FBXW11: variants seen among roughly 807,000 people sequenced by gnomAD.
FBXW11 encodes F-box and WD repeat domain containing 11.
In FBXW11, 19 loss-of-function variants were observed where a neutral mutation model predicts 77.6. That is an observed-to-expected ratio of 0.24 (90% CI 0.17 to 0.36). The LOEUF (loss-of-function observed/expected upper bound fraction) is 0.36, where lower values mean the gene tolerates loss of function less well. Among genes scored for constraint, FBXW11 ranks in the 10% least tolerant of loss-of-function variants. The pLI, the probability that FBXW11 is intolerant of heterozygous loss-of-function variation, is 1.00. For missense variants in FBXW11, 334 were observed against 704.2 expected (o/e 0.47, Z 5.95); for synonymous variants, 235 against 249.4 (o/e 0.94, Z 0.54).
intron 2 of FBXW11, among the ~76,000 whole-genome samples, chr5:171,932,194 T>G (rs1158099445): frequency 1.3e-5 from 2 of 151,492 alleles, no homozygotes; most frequent in Non-Finnish European, 2.9e-5. Context: ...TTCTTCAAAC[T>G]CAACAAGAAA....
intron 3 of FBXW11, among the ~76,000 whole-genome samples, 190 bp from the exon 4 acceptor site, chr5:171,910,987 C>T (rs982724617): frequency 6.6e-5 from 10 of 152,074 alleles, no homozygotes; most frequent in African/African-American, 2.4e-4. Context: ...TCAAATTAGT[C>T]ACTACAGGAA....
intron 1 of FBXW11, chr5:171,997,148 A>C: frequency 9.3e-7 from 1 of 1,076,180 alleles, no homozygotes; most frequent in African/African-American, 1.6e-5. Context: ...GGAATGGTGG[A>C]TCTGAGGCAC....
chr5:171,982,778 C>T (rs763166894), intron 1 of FBXW11, among the ~76,000 whole-genome samples: 4 of 152,124 alleles, frequency 2.6e-5, no homozygotes, highest in Non-Finnish European at 5.9e-5. Context: ...CCTCAGGAAA[C>T]GGAATCTCGG....
chr5:171,946,549 T>C (rs1763019056), intron 2 of FBXW11, among the ~76,000 whole-genome samples: 1 of 152,170 alleles, frequency 6.6e-6, no homozygotes. Flanking sequence ...AGCCAGACAT[T>C]AGCCTTCTGG....
intron 13 of FBXW11, among the ~76,000 whole-genome samples, chr5:171,867,126 T>C (rs1388228372): frequency 2.0e-5 from 3 of 152,172 alleles, no homozygotes; most frequent in Non-Finnish European, 4.4e-5. Flanking sequence ...TTATTTGCCA[T>C]TCCTGATGTA....
intron 4 of FBXW11, among the ~76,000 whole-genome samples, chr5:171,907,896 A>C (rs1293300316): frequency 6.6e-6 from 1 of 152,252 alleles, no homozygotes; most frequent in Non-Finnish European, 1.5e-5. Flanking sequence ...TGAAAAATCA[A>C]GAGAACTTCA....
chr5:171,878,976 A>C (rs1758325413), intron 7 of FBXW11, among the ~76,000 whole-genome samples: 1 of 152,204 alleles, frequency 6.6e-6, no homozygotes. Flanking sequence ...GAAGTGTTTA[A>C]TGAGAAAATA....
intron 1 of FBXW11, among the ~76,000 whole-genome samples, chr5:172,004,474 T>G (rs573311039): frequency 2.6e-5 from 4 of 152,246 alleles, no homozygotes; most frequent in African/African-American, 2.4e-5. Flanking sequence ...GTTATAAGCA[T>G]AGGAAGCCAG....
Position 171,876,603 on chromosome 5 carries a change from C to A in FBXW11, c.972-69G>T. On this transcript the variant is annotated intron_variant, in intron 8 of 13. Transcript: ENST00000517395. The surrounding 1 kb of genome is among the most constrained non-coding windows in gnomAD (Gnocchi z 4.2). Reference sequence around the variant, plus strand: ...CCAGGAAATGATTCTGGTATCTGAGCTCTGTCTGGGTCTGCAATGGTTTGG... The same window carrying A: ...CCAGGAAATGATTCTGGTATCTGAGATCTGTCTGGGTCTGCAATGGTTTGG... 6.4e-7 allele frequency: 1 copy of A among 1,573,208 alleles called. No individual in the cohort carries two copies. Among genetic ancestry groups the A allele is most frequent in the Non-Finnish European group, 8.7e-7 (1 of 1,152,548 alleles).
intron 1 of FBXW11, among the ~76,000 whole-genome samples, chr5:171,992,704 G>A (rs1323282883): frequency 6.6e-6 from 1 of 151,876 alleles, no homozygotes; most frequent in Non-Finnish European, 1.5e-5. Flanking sequence ...TCATGTAACT[G>A]TACTAAAGTC....
At chr5:171,950,357 C>T (rs1763239784) in intron 2 of FBXW11, among the ~76,000 whole-genome samples, 1 of 151,478 alleles carries the variant, frequency 6.6e-6, no homozygotes, top group Non-Finnish European at 1.5e-5. Flanking sequence ...GAGCTGTACA[C>T]ACTTAAGATT....
chr5:171,965,928 A>G (rs1194274418), intron 1 of FBXW11, among the ~76,000 whole-genome samples: 1 of 152,112 alleles, frequency 6.6e-6, no homozygotes, highest in Non-Finnish European at 1.5e-5. Context: ...TTCTCGCGAT[A>G]GTGAGTTCTC....
intron 1 of FBXW11, among the ~76,000 whole-genome samples, chr5:171,960,775 T>C (rs1763866304): frequency 6.6e-6 from 1 of 152,206 alleles, no homozygotes. Context: ...TCAATACTCA[T>C]AACAATGTGG....
In FBXW11 at chr5:171,891,707, C is replaced by T. The variant is rs1406003111; in HGVS notation, c.715-103G>A. ...CCAGAAACAGCATACCACCGATACCCCAATCTTGGTTTGCATAACTGTCTG... is the reference window on the plus strand; with the variant it reads ...CCAGAAACAGCATACCACCGATACCTCAATCTTGGTTTGCATAACTGTCTG... On this transcript the variant is annotated intron_variant, in intron 6 of 13. Transcript: ENST00000517395. 7 of 1,161,434 alleles carry T rather than the reference C, an allele frequency of 6.0e-6. No homozygotes were observed. The East Asian group carries it at 1.8e-4, about 30-fold the overall frequency. 71.9% of individuals were successfully genotyped at this position (1,161,434 alleles called of 1,614,324 possible). A position where few individuals can be genotyped will look rare whatever the true frequency, so the allele number is the denominator to read the frequency against.
At chr5:171,950,177 T>C (rs144011509) in intron 2 of FBXW11, among the ~76,000 whole-genome samples, 2 of 152,188 alleles carry the variant, frequency 1.3e-5, no homozygotes, top group Non-Finnish European at 2.9e-5. Context: ...TGGTTTAACT[T>C]TGAACAAGTA....
chr5:171,872,441 C>T (rs1456283971), intron 10 of FBXW11, among the ~76,000 whole-genome samples: 1 of 151,978 alleles, frequency 6.6e-6, no homozygotes, highest in Non-Finnish European at 1.5e-5. Context: ...GCAGGGAGGC[C>T]GAGTGCTGGG....
Position 171,957,621 on chromosome 5 carries a change from G to T in FBXW11, c.123C>A (p.Ser41Arg). Residue 41 changes from serine to arginine, a missense_variant, in exon 2 of 14, where the codon AGC becomes AGA. Around this residue, in one of 10 missense-constraint regions of FBXW11, gnomAD observed 80 missense variants for 105.1 expected, o/e 0.76. Transcript: ENST00000517395. ...CCTGGAGACATCTGACACTGGGCAT[G>T]CTCTGCAGGCAACTCAGTGCGCACA... Reference protein sequence around the residue: ...ESMCALSCLQSMPSVRCLQNT... With the variant: ...ESMCALSCLQRMPSVRCLQNT... The T allele has an allele frequency of 6.2e-7, 1 of 1,614,170 alleles. No homozygotes were observed. Among genetic ancestry groups the T allele is most frequent in the Non-Finnish European group, 8.5e-7 (1 of 1,179,976 alleles).
chr5:171,940,927 C>CT (rs1237235056), intron 2 of FBXW11, among the ~76,000 whole-genome samples: 5 of 151,312 alleles, frequency 3.3e-5, no homozygotes, highest in African/African-American at 1.2e-4. Flanking sequence ...AAGGCACCCA[C>CT]TGCCTAAACT....
chr5:171,895,370 T>C (rs376212756), intron 6 of FBXW11, among the ~76,000 whole-genome samples: 6 of 152,254 alleles, frequency 3.9e-5, no homozygotes, highest in Admixed American at 3.9e-4. Context: ...TAAACACAAC[T>C]GGGTGGGTGG....
Sources: gnomAD v4.1 joint callset for allele counts (sites outside exome capture counted in the v4.1 genomes callset) on GRCh38, gnomAD v4.1.1 for gene constraint, gnomAD v4.1.1 regional missense constraint, Gnocchi (gnomAD v3.1) non-coding constraint, MANE v1.5 for transcripts, NCBI Gene and HGNC (gene_info 2026-07-23, HGNC 2026-07-21) for gene names.